The following ABCA13 variants were observed in gnomAD, a reference collection of about 807,000 sequenced individuals.
The protein encoded by ABCA13 is ATP-binding cassette sub-family A member 13.
A neutral mutation model predicts 478.7 loss-of-function variants in ABCA13; 476 were observed. That is an observed-to-expected ratio of 0.99 (90% CI 0.92 to 1.07). ABCA13 has a LOEUF of 1.07. Among genes scored for constraint, ABCA13 ranks in the 50% least tolerant of loss-of-function variants. The pLI, the probability that ABCA13 is intolerant of heterozygous loss-of-function variation, is 0.00. For synonymous variants in ABCA13, 2,252 were observed against 2,158.9 expected (o/e 1.04, Z -1.20); for missense variants, 6,060 against 5,910.6 (o/e 1.03, Z -0.83).
At chr7:48,382,153 CTG>C (rs1221973188) in intron 35 of ABCA13, among the ~76,000 whole-genome samples, 1 of 152,186 alleles carries the variant, frequency 6.6e-6, no homozygotes, top group Non-Finnish European at 1.5e-5. Flanking sequence ...TCAGGCCTCA[CTG>C]TGCCTGATCT....
chr7:48,511,283 G>A (rs998540472), intron 51 of ABCA13, 84 bp downstream of exon 51: 10 of 1,090,662 alleles, frequency 9.2e-6, no homozygotes, highest in African/African-American at 3.2e-5. Flanking sequence ...ACCTGCTGTC[G>A]ACTTCATGAT....
At chr7:48,636,952 G>A (rs1794684278) in intron 59 of ABCA13, among the ~76,000 whole-genome samples, 1 of 152,056 alleles carries the variant, frequency 6.6e-6, no homozygotes. Flanking sequence ...AGGCAATTAT[G>A]CATTTTTTCT....
At position 48,641,896 on chromosome 7, in the gene ABCA13, A is replaced by G. The variant is rs369577654; in HGVS notation, c.14838-1392A>G. Among the ~76,000 whole-genome samples, 76 of 152,342 alleles carry G rather than the reference A, an allele frequency of 5.0e-4. 1 individual carries two copies. Among genetic ancestry groups the G allele is most frequent in the African/African-American group, 1.8e-3 (75 of 41,574 alleles). On this transcript the variant is annotated intron_variant, in intron 59 of 61. Transcript: ENST00000435803. ...TGGGTTGATCGTGTTATTCAGCAGC[A>G]TAGCTTGTAACATACTGCTGAGAAG...
chr7:48,265,418 A>C (rs1794743081), intron 15 of ABCA13, among the ~76,000 whole-genome samples: 1 of 151,522 alleles, frequency 6.6e-6, no homozygotes, highest in African/African-American at 2.4e-5. Context: ...AGCTCATGGT[A>C]TATCTCTCCA....
intron 20 of ABCA13, among the ~76,000 whole-genome samples, chr7:48,292,731 C>T (rs1790591876): frequency 1.3e-5 from 2 of 152,160 alleles, no homozygotes; most frequent in South Asian, 4.1e-4. Context: ...CTTGCACCTC[C>T]AGCACTGCCC....
chr7:48,193,901 AGAT>A (rs1262215140), intron 2 of ABCA13, among the ~76,000 whole-genome samples: 1 of 13,062 alleles, frequency 7.7e-5, no homozygotes, highest in Admixed American at 7.9e-4. Flanking sequence ...ATGATGAGGG[AGAT>A]GATGATAGTG....
chr7:48,597,295 G>A (rs1382708628), intron 58 of ABCA13, among the ~76,000 whole-genome samples: 1 of 152,152 alleles, frequency 6.6e-6, no homozygotes, highest in East Asian at 1.9e-4. Flanking sequence ...TATGTCAATA[G>A]GTTGCTCCTT....
At chr7:48,174,151 T>C (rs1562698432) in intron 1 of ABCA13, among the ~76,000 whole-genome samples, 1 of 152,232 alleles carries the variant, frequency 6.6e-6, no homozygotes, top group Non-Finnish European at 1.5e-5. Flanking sequence ...TTTTGAACTA[T>C]GAAAGTGAGG....
At chr7:48,473,360 C>T (rs1827723343) in intron 45 of ABCA13, among the ~76,000 whole-genome samples, 1 of 152,162 alleles carries the variant, frequency 6.6e-6, no homozygotes, top group Non-Finnish European at 1.5e-5. Flanking sequence ...GGAATGTGCT[C>T]ACTGGGGCCC....
At position 48,279,736 on chromosome 7, in the gene ABCA13, C is replaced by G. The variant is rs936195456; in HGVS notation, c.8542C>G (p.Leu2848Val). 1.2e-6 allele frequency: 2 copies of G among 1,613,072 alleles called. No individual in the cohort carries two copies. The highest frequency in any genetic ancestry group is 1.7e-6 in the Non-Finnish European group (2 of 1,179,660). The change falls in exon 18 of 62, where the codon CTT (leucine) becomes GTT (valine). Residue 2848 changes from leucine to valine, a missense_variant. Physicochemically the swap from Leu to Val is conservative, Grantham distance 32. Around this residue, in one of 3 missense-constraint regions of ABCA13, gnomAD observed 4,423 missense variants for 4,309.1 expected, o/e 1.03. Coordinates refer to ENST00000435803, the MANE Select transcript of ABCA13 (RefSeq NM_152701.5). ...TTCCACAAGAACTTTGTTTCAGCCACTTTTTGAGATTTTCATTAAAGCAAC... is the reference window on the plus strand; with the variant it reads ...TTCCACAAGAACTTTGTTTCAGCCAGTTTTTGAGATTTTCATTAAAGCAAC... ...ITSTRTLFQP[L>V]FEIFIKATTG... is the part of the protein sequence containing the mutation.
At chr7:48,574,167 T>TGA (rs1455764252) in intron 55 of ABCA13, among the ~76,000 whole-genome samples, 4 of 152,102 alleles carry the variant, frequency 2.6e-5, no homozygotes, top group Non-Finnish European at 5.9e-5. Context: ...AACTGATAAA[T>TGA]TTTGATTAAA....
chr7:48,431,376 AAC>A (rs1822131306), intron 42 of ABCA13, among the ~76,000 whole-genome samples: 1 of 151,876 alleles, frequency 6.6e-6, no homozygotes, highest in Admixed American at 6.5e-5. Flanking sequence ...CAACAACAAC[AAC>A]AACAACAACA....
At chr7:48,195,576 G>A (rs1477099113) in intron 2 of ABCA13, among the ~76,000 whole-genome samples, 2 of 152,144 alleles carry the variant, frequency 1.3e-5, no homozygotes, top group African/African-American at 2.4e-5. Flanking sequence ...GACATGTGGG[G>A]GATTTGGGGA....
intron 44 of ABCA13, among the ~76,000 whole-genome samples, chr7:48,468,020 C>T (rs1486611271): frequency 6.6e-6 from 1 of 152,042 alleles, no homozygotes; most frequent in African/African-American, 2.4e-5. Flanking sequence ...ATGGAATACA[C>T]AGGGTGTAAA....
At chr7:48,600,473 G>A (rs778281880) in intron 58 of ABCA13, among the ~76,000 whole-genome samples, 25 of 151,508 alleles carry the variant, frequency 1.7e-4, no homozygotes, top group Admixed American at 1.5e-3. Context: ...TTTACATAAT[G>A]TCTCCTGTGT....
intron 41 of ABCA13, 148 bp from the exon 42 acceptor site, chr7:48,427,618 T>C (rs553752112): frequency 4.9e-6 from 3 of 606,676 alleles, no homozygotes; most frequent in East Asian, 2.9e-5. Context: ...CTTAGAGTTA[T>C]GCCAATTAAA....
chr7:48,278,363 G>A lies in ABCA13; in HGVS notation c.7169G>A (p.Ser2390Asn). 1 of 1,613,708 alleles carries A rather than the reference G, an allele frequency of 6.2e-7. No homozygotes were observed. Among genetic ancestry groups the A allele is most frequent in the East Asian group, 2.2e-5 (1 of 44,858 alleles). ...ENNIDFFTVV[S>N]QLFFHVNKSE... ...AATATAGACTTTTTCACAGTGGTGA[G>A]TCAGTTGTTTTTCCATGTGAATAAG... The change falls in exon 18 of 62, where the codon AGT (serine) becomes AAT (asparagine). Residue 2390 changes from serine to asparagine, a missense_variant. Ser to Asn is a conservative substitution (Grantham distance 46). Around this residue, in one of 3 missense-constraint regions of ABCA13, gnomAD observed 4,423 missense variants for 4,309.1 expected, o/e 1.03. Coordinates refer to ENST00000435803, the MANE Select transcript of ABCA13 (RefSeq NM_152701.5).
At chr7:48,499,702 T>C (rs1352429657) in intron 48 of ABCA13, among the ~76,000 whole-genome samples, 2 of 152,198 alleles carry the variant, frequency 1.3e-5, no homozygotes, top group Non-Finnish European at 1.5e-5. Flanking sequence ...GTACTCAACA[T>C]GTACATTTTG....
intron 58 of ABCA13, among the ~76,000 whole-genome samples, chr7:48,613,009 G>A (rs989737454): frequency 1.3e-5 from 2 of 151,918 alleles, no homozygotes; most frequent in African/African-American, 2.4e-5. Flanking sequence ...TGATTTAATG[G>A]TTTATATTTT....
Sources: gnomAD v4.1 joint callset for allele counts (sites outside exome capture counted in the v4.1 genomes callset) on GRCh38, gnomAD v4.1.1 for gene constraint, gnomAD v4.1.1 regional missense constraint, MANE v1.5 for transcripts, NCBI Gene and HGNC (gene_info 2026-07-23, HGNC 2026-07-21) for gene names.